PDZD2: variants seen among roughly 807,000 people sequenced by gnomAD.
The protein encoded by PDZD2 is PDZ domain-containing protein 2.
In PDZD2, 90 loss-of-function variants were observed where a neutral mutation model predicts 220.7. The observed-to-expected ratio is 0.41, with a 90% confidence interval of 0.34 to 0.49. PDZD2 has a LOEUF of 0.49. Among genes scored for constraint, PDZD2 ranks in the 20% least tolerant of loss-of-function variants. The pLI is 0.28. For synonymous variants in PDZD2, 1,375 were observed against 1,450.5 expected, an observed-to-expected ratio of 0.95 and a Z score of 1.18; for missense variants, 3,174 against 3,608.5, an observed-to-expected ratio of 0.88 and a Z score of 3.08.
intron 2 of PDZD2, chr5:31,847,958 A>G (rs34179693): frequency 9.2e-6 from 4 of 434,722 alleles, no homozygotes; most frequent in South Asian, 7.5e-5. Context: ...GAACAGCATA[A>G]CTCCAGACAT....
chr5:32,042,215 T>A (rs937524536), intron 7 of PDZD2, among the ~76,000 whole-genome samples: 7 of 147,524 alleles, frequency 4.7e-5, no homozygotes, highest in Non-Finnish European at 8.9e-5. Flanking sequence ...TGAGCCGAGA[T>A]TGCACCACTG....
At chr5:32,068,401 A>G (rs1434211927) in intron 14 of PDZD2, among the ~76,000 whole-genome samples, 1 of 152,250 alleles carries the variant, frequency 6.6e-6, no homozygotes, top group Non-Finnish European at 1.5e-5. Context: ...CCACAGCAAG[A>G]TGTGCTTGCA....
intron 2 of PDZD2, among the ~76,000 whole-genome samples, chr5:31,816,897 A>G (rs1181133246): frequency 1.3e-5 from 2 of 152,218 alleles, no homozygotes; most frequent in East Asian, 3.8e-4. Context: ...TAAAAGCAGC[A>G]TCCAGGCTGG....
At chr5:31,970,077 T>C (rs1222965922) in intron 2 of PDZD2, among the ~76,000 whole-genome samples, 1 of 152,032 alleles carries the variant, frequency 6.6e-6, no homozygotes, top group Non-Finnish European at 1.5e-5. Flanking sequence ...TTTGTATTTT[T>C]AGTGGAGACA....
Position 31,639,765 on chromosome 5 carries a change from C to T in PDZD2, c.-361+328C>T, listed in dbSNP as rs934180674. Among the ~76,000 whole-genome samples, 1 of 152,188 alleles carries T rather than the reference C, an allele frequency of 6.6e-6. No individual in the cohort carries two copies. The highest frequency in any genetic ancestry group is 1.5e-5 in the Non-Finnish European group (1 of 68,026). On this transcript the variant is annotated intron_variant, in intron 1 of 24. Transcript: ENST00000438447. The surrounding 1 kb of genome is among the most constrained non-coding windows in gnomAD (Gnocchi z 4.1). ...AGGGCCGGGACCTCCTGCTCGGGCG[C>T]GCATCCCGGGTCCCCATCCCTGGGC...
chr5:32,011,945 G>A (rs1753352928), intron 6 of PDZD2, among the ~76,000 whole-genome samples: 1 of 152,144 alleles, frequency 6.6e-6, no homozygotes, highest in Non-Finnish European at 1.5e-5. Flanking sequence ...CTGAAGGATG[G>A]CAGTATAGGG....
intron 1 of PDZD2, among the ~76,000 whole-genome samples, chr5:31,660,065 T>C (rs911235514): frequency 1.3e-5 from 2 of 152,220 alleles, no homozygotes; most frequent in Non-Finnish European, 2.9e-5. Flanking sequence ...AAAGGAGACC[T>C]GGTGTCCCCA....
At chr5:31,704,475 G>A (rs1013394444) in intron 1 of PDZD2, among the ~76,000 whole-genome samples, 3 of 152,120 alleles carry the variant, frequency 2.0e-5, no homozygotes, top group African/African-American at 7.2e-5. Context: ...TTTCAGTAAG[G>A]ACCCTTCAAA....
intron 2 of PDZD2, among the ~76,000 whole-genome samples, chr5:31,925,109 G>A (rs1744624826): frequency 6.6e-6 from 1 of 152,230 alleles, no homozygotes; most frequent in Admixed American, 6.5e-5. Context: ...CGGCAGGAGG[G>A]CCTAAGGGGC....
At chr5:31,827,953 G>C (rs1756331112) in intron 2 of PDZD2, among the ~76,000 whole-genome samples, 1 of 152,174 alleles carries the variant, frequency 6.6e-6, no homozygotes, top group Non-Finnish European at 1.5e-5. Flanking sequence ...ACCTATTCCA[G>C]ATATTTCAGT....
In PDZD2 at chr5:32,098,606, A is replaced by G; in HGVS notation, c.8190A>G (p.Arg2730=). 6.2e-7 allele frequency: 1 copy of G among 1,614,122 alleles called. No individual in the cohort carries two copies. Among genetic ancestry groups the G allele is most frequent in the Non-Finnish European group, 8.5e-7 (1 of 1,180,012 alleles). Residue 2730 remains arginine (R), a synonymous_variant, in exon 23 of 25, where the codon AGA becomes AGG. Transcript: ENST00000438447. The surrounding 1 kb of genome is among the most constrained non-coding windows in gnomAD (Gnocchi z 4.1). ...CCAATGGGAAGGGTTTGCTGTCCAG[A>G]AAGACCATCCCCCTGGAGCCTGGCA... The part of the protein sequence containing the change: ...PTANGKGLLS[R]KTIPLEPGIG...
intron 6 of PDZD2, among the ~76,000 whole-genome samples, chr5:32,029,329 T>TAAAACAAAAAAAA (rs1754943682): frequency 1.5e-5 from 1 of 65,834 alleles, no homozygotes; most frequent in Non-Finnish European, 2.7e-5. Context: ...TCAAGAACTG[T>TAAAACAAAAAAAA]AAAAAAAAAA....
intron 2 of PDZD2, among the ~76,000 whole-genome samples, chr5:31,928,141 C>T (rs1028516565): frequency 1.3e-5 from 2 of 152,194 alleles, no homozygotes; most frequent in Non-Finnish European, 2.9e-5. Context: ...GCAAATCAGA[C>T]AGCCAAGGAG....
chr5:31,728,434 G>A (rs767132899), intron 1 of PDZD2, among the ~76,000 whole-genome samples: 33 of 152,168 alleles, frequency 2.2e-4, no homozygotes, highest in Non-Finnish European at 4.4e-4. Flanking sequence ...AAGGAGTGGC[G>A]TATTTTAAGC....
At chr5:31,987,745 T>C (rs1405921475) in intron 3 of PDZD2, among the ~76,000 whole-genome samples, 1 of 152,200 alleles carries the variant, frequency 6.6e-6, no homozygotes, top group African/African-American at 2.4e-5. Context: ...TTGCCCAAGC[T>C]GGAAGTTTGA....
At chr5:31,680,767 T>A (rs1000442642) in intron 1 of PDZD2, among the ~76,000 whole-genome samples, 28 of 152,106 alleles carry the variant, frequency 1.8e-4, no homozygotes, top group African/African-American at 6.5e-4. Context: ...GTCCTTGAAA[T>A]CCCTGACCGG....
intron 6 of PDZD2, among the ~76,000 whole-genome samples, chr5:32,030,215 T>C (rs1168494794): frequency 3.3e-5 from 5 of 152,256 alleles, no homozygotes; most frequent in African/African-American, 2.4e-5. Flanking sequence ...ATGGAAGTGC[T>C]TAGACTGAAG....
chr5:31,701,206 T>TA (rs34481708), intron 1 of PDZD2, among the ~76,000 whole-genome samples: 41,764 of 109,008 alleles, frequency 0.38, 6,466 homozygotes, highest in African/African-American at 0.52. Flanking sequence ...TATATATATA[T>TA]TTTTTTTTGA....
At chr5:32,096,770 T>G (rs1743744974) in intron 21 of PDZD2, among the ~76,000 whole-genome samples, 1 of 152,040 alleles carries the variant, frequency 6.6e-6, no homozygotes, top group South Asian at 2.1e-4. Flanking sequence ...TTTGCTAAAT[T>G]GTAGACTTAA....
Sources: gnomAD v4.1 joint callset for allele counts (sites outside exome capture counted in the v4.1 genomes callset) on GRCh38, gnomAD v4.1.1 for gene constraint, Gnocchi (gnomAD v3.1) non-coding constraint, MANE v1.5 for transcripts, NCBI Gene and HGNC (gene_info 2026-07-23, HGNC 2026-07-21) for gene names.